The following RSRC1 variants were observed in gnomAD, a reference collection of about 807,000 sequenced individuals.
RSRC1 encodes the protein arginine and serine rich coiled-coil 1, also known as serine/Arginine-related protein 53.
A neutral mutation model predicts 49.1 loss-of-function variants in RSRC1; 39 were observed. That is an observed-to-expected ratio of 0.79 (90% CI 0.61 to 1.04). RSRC1 has a LOEUF of 1.04. RSRC1 is among the 50% of genes least tolerant of loss of function. The probability of loss-of-function intolerance (pLI) is 0.00; values close to 1 mark genes in which losing one functional copy is unlikely to be tolerated. For missense variants in RSRC1, 388 were observed against 402.4 expected (o/e 0.96, Z 0.31); for synonymous variants, 143 against 130.8 (o/e 1.09, Z -0.63).
chr3:158,508,014 A>C (rs1340340582), intron 7 of RSRC1, among the ~76,000 whole-genome samples: 2 of 152,200 alleles, frequency 1.3e-5, no homozygotes, highest in Non-Finnish European at 2.9e-5. Flanking sequence ...TCAAGGCTGC[A>C]GTGAGCTATG....
intron 6 of RSRC1, among the ~76,000 whole-genome samples, chr3:158,366,827 G>A (rs984697624): frequency 5.3e-5 from 8 of 151,956 alleles, no homozygotes; most frequent in African/African-American, 1.7e-4. Flanking sequence ...TTATTTCCTC[G>A]AGCAGTGGTT....
At chr3:158,272,726 T>A (rs1340222115) in intron 4 of RSRC1, among the ~76,000 whole-genome samples, 8 of 152,080 alleles carry the variant, frequency 5.3e-5, no homozygotes, top group Admixed American at 5.2e-4. Flanking sequence ...AACTTTTGGC[T>A]AAATTTAATA....
At chr3:158,204,293 G>A (rs978353580) in intron 4 of RSRC1, among the ~76,000 whole-genome samples, 1 of 152,212 alleles carries the variant, frequency 6.6e-6, no homozygotes, top group African/African-American at 2.4e-5. Context: ...TGCCTAGATT[G>A]TTGGCTTTTA....
intron 4 of RSRC1, among the ~76,000 whole-genome samples, chr3:158,248,309 C>T (rs1411774544): frequency 2.0e-5 from 3 of 152,152 alleles, no homozygotes; most frequent in African/African-American, 7.2e-5. Flanking sequence ...TTATTTGTGT[C>T]TAGCTTTTTT....
chr3:158,407,585 A>G (rs557006113), intron 6 of RSRC1, among the ~76,000 whole-genome samples: 110 of 152,318 alleles, frequency 7.2e-4, no homozygotes, highest in Non-Finnish European at 1.4e-3. Context: ...TCTTTGTAAT[A>G]TGTAAACTGT....
At chr3:158,153,183 T>C (rs1717655780) in intron 3 of RSRC1, among the ~76,000 whole-genome samples, 1 of 152,226 alleles carries the variant, frequency 6.6e-6, no homozygotes, top group African/African-American at 2.4e-5. Context: ...TATTTGCTAC[T>C]AACTATGTAG....
intron 4 of RSRC1, among the ~76,000 whole-genome samples, chr3:158,278,055 T>C (rs897302802): frequency 2.7e-4 from 41 of 152,182 alleles, no homozygotes; most frequent in Non-Finnish European, 2.1e-4. Context: ...TGATCCCTAA[T>C]GTGAAACATC....
At chr3:158,330,339 G>C (rs1729474231) in intron 5 of RSRC1, among the ~76,000 whole-genome samples, 1 of 152,334 alleles carries the variant, frequency 6.6e-6, no homozygotes, top group South Asian at 2.1e-4. Context: ...CTGTAGACTG[G>C]AGCTGTTCCT....
intron 3 of RSRC1, among the ~76,000 whole-genome samples, chr3:158,169,304 T>C (rs1449719639): frequency 6.6e-6 from 1 of 152,122 alleles, no homozygotes; most frequent in Non-Finnish European, 1.5e-5. Flanking sequence ...TGAAACTGAA[T>C]TGTGCATATG....
intron 3 of RSRC1, among the ~76,000 whole-genome samples, chr3:158,191,456 G>A (rs76958989): frequency 0.028 from 4,229 of 152,066 alleles, 99 homozygotes; most frequent in Non-Finnish European, 0.044. Flanking sequence ...GATTACATGT[G>A]TTTAGAACTT....
At chr3:158,272,909 G>GT (rs765728583) in intron 4 of RSRC1, among the ~76,000 whole-genome samples, 3 of 151,646 alleles carry the variant, frequency 2.0e-5, no homozygotes, top group Admixed American at 6.6e-5. Flanking sequence ...TTATAAATGT[G>GT]TTTTTTCTGA....
intron 3 of RSRC1, among the ~76,000 whole-genome samples, chr3:158,145,161 T>A (rs889370949): frequency 6.6e-6 from 1 of 152,214 alleles, no homozygotes; most frequent in Non-Finnish European, 1.5e-5. Flanking sequence ...CAATTTTGGC[T>A]TTTGTTGCCA....
At chr3:158,403,545 A>G (rs867243642) in intron 6 of RSRC1, among the ~76,000 whole-genome samples, 26 of 151,798 alleles carry the variant, frequency 1.7e-4, no homozygotes, top group African/African-American at 6.0e-4. Context: ...TCAGAAGTAA[A>G]ATTTAGCAGT....
intron 4 of RSRC1, among the ~76,000 whole-genome samples, chr3:158,248,490 T>C (rs931008434): frequency 1.3e-5 from 2 of 152,226 alleles, no homozygotes; most frequent in Non-Finnish European, 2.9e-5. Context: ...TTTCCTGTTT[T>C]TGACTATTAC....
chr3:158,283,858 A>G (rs982945128), intron 4 of RSRC1, among the ~76,000 whole-genome samples: 3 of 144,922 alleles, frequency 2.1e-5, no homozygotes, highest in African/African-American at 5.1e-5. Flanking sequence ...TTTGCCAACA[A>G]TGGAAACGTT....
chr3:158,381,813 G>A (rs1046450400), intron 6 of RSRC1, among the ~76,000 whole-genome samples: 6 of 152,110 alleles, frequency 3.9e-5, no homozygotes, highest in African/African-American at 1.2e-4. Flanking sequence ...GGCACTTACC[G>A]TAAATAGACT....
At chr3:158,492,836 C>T (rs140606751) in intron 7 of RSRC1, among the ~76,000 whole-genome samples, 12 of 152,136 alleles carry the variant, frequency 7.9e-5, no homozygotes, top group African/African-American at 1.4e-4. Flanking sequence ...CCTTTCTATC[C>T]CCACCCTGCT....
In RSRC1 at chr3:158,195,973, C is replaced by T. The variant is rs374367459; in HGVS notation, c.321-7099C>T. 7.9e-3 allele frequency among the ~76,000 whole-genome samples: 1,208 copies of T among 151,986 alleles called. 12 individuals are homozygous for T. Among genetic ancestry groups the T allele is most frequent in the African/African-American group, 0.026 (1,097 of 41,442 alleles). On this transcript the variant is annotated intron_variant, in intron 3 of 9. Transcript: ENST00000611884. The stretch of plus-strand genomic sequence containing the variant: ...TTCTTTTGGCTTAGGATTGACTTGG[C>T]GATGCGGGCTCTTTTTTGGTTCCAT...
intron 4 of RSRC1, among the ~76,000 whole-genome samples, chr3:158,233,589 A>G (rs1468592777): frequency 2.6e-5 from 4 of 152,186 alleles, no homozygotes; most frequent in Non-Finnish European, 4.4e-5. Context: ...TCTGCAAAGC[A>G]TTAATTTTGG....
Sources: allele counts gnomAD v4.1 joint callset (sites outside exome capture counted in the v4.1 genomes callset), GRCh38; gene constraint gnomAD v4.1.1; transcripts MANE v1.5; gene names NCBI Gene and HGNC (gene_info 2026-07-23, HGNC 2026-07-21).